LINGO2: variants seen among roughly 807,000 people sequenced by gnomAD.
LINGO2 encodes leucine rich repeat and Ig domain containing 2.
A neutral mutation model predicts 30.6 loss-of-function variants in LINGO2; 14 were observed. The ratio of observed to expected loss-of-function variants is 0.46; its 90% CI spans 0.30 to 0.72. The LOEUF (loss-of-function observed/expected upper bound fraction) is 0.72. Ranked by LOEUF, LINGO2 falls within the 30% of genes least tolerant of loss-of-function variation. The probability of loss-of-function intolerance (pLI) is 0.07; values close to 1 mark genes in which losing one functional copy is unlikely to be tolerated. For synonymous variants in LINGO2, 317 were observed against 288.5 expected (o/e 1.10, Z -1.00); for missense variants, 729 against 751.7 (o/e 0.97, Z 0.35).
intron 5 of LINGO2, among the ~76,000 whole-genome samples, chr9:27,992,463 C>T (rs1821444057): frequency 6.6e-6 from 1 of 151,826 alleles, no homozygotes; most frequent in South Asian, 2.1e-4. Flanking sequence ...GCAAAGAAAA[C>T]TATCTCTATA....
the LINGO2 span, among the ~76,000 whole-genome samples, chr9:28,994,475 A>T: frequency 2.0e-5 from 3 of 151,516 alleles, no homozygotes; most frequent in Admixed American, 2.0e-4. Flanking sequence ...TGCCATCCCC[A>T]TCAAGCTACC....
the LINGO2 span, among the ~76,000 whole-genome samples, chr9:28,836,883 TCTC>T: frequency 6.6e-6 from 1 of 152,154 alleles, no homozygotes; most frequent in African/African-American, 2.4e-5. Context: ...GTGAATAAGG[TCTC>T]CTAACACATT....
At chr9:28,354,565 T>C (rs1587526987) in intron 3 of LINGO2, among the ~76,000 whole-genome samples, 1 of 152,238 alleles carries the variant, frequency 6.6e-6, no homozygotes, top group African/African-American at 2.4e-5. Flanking sequence ...TCAAAATTCA[T>C]GCTCAAGAAA....
Position 28,204,285 on chromosome 9 carries a change from C to T in LINGO2, c.-87+90923G>A, listed in dbSNP as rs553554685. Among the ~76,000 whole-genome samples, 84 of 152,146 alleles carry T rather than the reference C, an allele frequency of 5.5e-4. 1 individual carries two copies. The South Asian group carries it at 0.017, about 30-fold the overall frequency. On this transcript the variant is annotated intron_variant, in intron 4 of 5. Transcript: ENST00000379992. Reference sequence around the variant, plus strand: ...ACAAACACTATCTTATTTTATTATACGTATTCCCTGTGAGTCATTTTGAGT... The same window carrying T: ...ACAAACACTATCTTATTTTATTATATGTATTCCCTGTGAGTCATTTTGAGT...
the LINGO2 span, among the ~76,000 whole-genome samples, chr9:29,081,800 C>A: frequency 6.6e-6 from 1 of 151,584 alleles, no homozygotes; most frequent in Admixed American, 6.6e-5. Context: ...AGACAGAGAG[C>A]CAAATCATGA....
At chr9:28,128,932 G>A (rs1422366655) in intron 4 of LINGO2, among the ~76,000 whole-genome samples, 1 of 152,176 alleles carries the variant, frequency 6.6e-6, no homozygotes, top group Non-Finnish European at 1.5e-5. Context: ...CATCCAATTG[G>A]CTGCAAGTGC....
chr9:28,488,906 T>C (rs1360455700), intron 1 of LINGO2, among the ~76,000 whole-genome samples: 1 of 152,182 alleles, frequency 6.6e-6, no homozygotes, highest in Admixed American at 6.5e-5. Flanking sequence ...TAAATATTGG[T>C]CTATAAATGT....
chr9:28,803,341 T>C, the LINGO2 span, among the ~76,000 whole-genome samples: 1 of 151,788 alleles, frequency 6.6e-6, no homozygotes, highest in Admixed American at 6.6e-5. Context: ...GTGTGTATAC[T>C]ATCATGTATT....
chr9:28,953,801 T>C, the LINGO2 span, among the ~76,000 whole-genome samples: 15 of 152,114 alleles, frequency 9.9e-5, no homozygotes, highest in African/African-American at 7.2e-5. Context: ...AAAGATCAGT[T>C]ACAATATAAA....
chr9:29,130,719 T>G, the LINGO2 span, among the ~76,000 whole-genome samples: 7 of 151,600 alleles, frequency 4.6e-5, no homozygotes, highest in East Asian at 1.9e-4. Context: ...ACACTGGGAA[T>G]GAACCAGCAA....
chr9:28,484,318 C>T (rs1161591076), intron 1 of LINGO2, among the ~76,000 whole-genome samples: 1 of 152,032 alleles, frequency 6.6e-6, no homozygotes. Context: ...GAAACAGCAG[C>T]TCCAACTGTT....
intron 4 of LINGO2, among the ~76,000 whole-genome samples, chr9:28,074,848 A>G (rs1005408249): frequency 6.6e-6 from 1 of 152,034 alleles, no homozygotes; most frequent in Non-Finnish European, 1.5e-5. Context: ...TATATTTTAT[A>G]TCAGAATAAG....
chr9:29,174,319 T>C, the LINGO2 span, among the ~76,000 whole-genome samples: 1 of 152,178 alleles, frequency 6.6e-6, no homozygotes, highest in Non-Finnish European at 1.5e-5. Flanking sequence ...AAGAAGTAAG[T>C]TTTACCAGCT....
the LINGO2 span, among the ~76,000 whole-genome samples, chr9:28,925,337 C>G: frequency 5.0e-4 from 76 of 152,198 alleles, 1 homozygote; most frequent in African/African-American, 1.7e-3. Flanking sequence ...ACATGACTAA[C>G]GATAGGAGTT....
At chr9:28,098,710 T>C (rs1826322709) in intron 4 of LINGO2, among the ~76,000 whole-genome samples, 1 of 152,082 alleles carries the variant, frequency 6.6e-6, no homozygotes, top group African/African-American at 2.4e-5. Flanking sequence ...AGAGTACCAG[T>C]TGGTAGGTGT....
In LINGO2 at chr9:28,628,424, T is replaced by C. The variant is rs575649296; in HGVS notation, c.-365+41776A>G. ...AATGCTACTTGCAGAGAAAAAACAT[T>C]GGCAGTTTGTATTTCAGTTCTGTGC... On this transcript the variant is annotated intron_variant, in intron 1 of 5. Transcript: ENST00000379992. 2.0e-5 allele frequency among the ~76,000 whole-genome samples: 3 copies of C among 152,214 alleles called. No homozygotes were observed. The East Asian group carries it at 5.8e-4, about 29-fold the overall frequency.
At chr9:28,729,563 C>A in the LINGO2 span, among the ~76,000 whole-genome samples, 8 of 151,606 alleles carry the variant, frequency 5.3e-5, no homozygotes, top group Admixed American at 5.3e-4. Flanking sequence ...ATTCCAAGAA[C>A]AAGTAACAAA....
chr9:28,082,804 C>G, intron 4 of LINGO2, among the ~76,000 whole-genome samples: 1 of 152,160 alleles, frequency 6.6e-6, no homozygotes, highest in East Asian at 1.9e-4. Flanking sequence ...GGTTTCCCCT[C>G]TGTCTGGATT....
At chr9:27,949,661 T>C in exon 6 of LINGO2, 3 of 1,614,050 alleles carry the variant, frequency 1.9e-6, no homozygotes, top group Non-Finnish European at 2.5e-6. Context: ...AGACATTCTC[T>C]TCCAAAGTTT....
Sources: gnomAD v4.1 joint callset for allele counts (sites outside exome capture counted in the v4.1 genomes callset) on GRCh38, gnomAD v4.1.1 for gene constraint, MANE v1.5 for transcripts, NCBI Gene and HGNC (gene_info 2026-07-23, HGNC 2026-07-21) for gene names.